The following PGGT1B variants were observed in gnomAD, a reference collection of about 807,000 sequenced individuals.
The protein encoded by PGGT1B is protein geranylgeranyltransferase type I subunit beta, also known as geranylgeranyl transferase type-1 subunit beta.
PGGT1B carries 30 observed loss-of-function variants against 46.1 expected under a neutral mutation model. The observed-to-expected ratio is 0.65, with a 90% CI of 0.49 to 0.88. The LOEUF (loss-of-function observed/expected upper bound fraction) is 0.88. PGGT1B is among the 40% of genes least tolerant of loss of function. The pLI is 0.00. For missense variants in PGGT1B, 376 were observed against 455.9 expected (o/e 0.82, Z 1.60); for synonymous variants, 170 against 160.0 (o/e 1.06, Z -0.47).
At chr5:115,224,473 C>A (rs1467519458) in intron 6 of PGGT1B, among the ~76,000 whole-genome samples, 1 of 152,188 alleles carries the variant, frequency 6.6e-6, no homozygotes, top group Non-Finnish European at 1.5e-5. Flanking sequence ...TTTACAAAGT[C>A]TATGCTTTAA....
At chr5:115,262,024 TTCCTCC>T in intron 1 of PGGT1B, among the ~76,000 whole-genome samples, 1 of 152,192 alleles carries the variant, frequency 6.6e-6, no homozygotes, top group East Asian at 1.9e-4. Context: ...AAGCCGCTCT[TTCCTCC>T]CATCCAGTCT....
intron 8 of PGGT1B, among the ~76,000 whole-genome samples, chr5:115,213,315 G>T (rs915443884): frequency 6.6e-6 from 1 of 152,122 alleles, no homozygotes; most frequent in African/African-American, 2.4e-5. Flanking sequence ...TATTAAAGTG[G>T]CCAATGAAAT....
At chr5:115,214,671 T>C (rs1471212791) in intron 8 of PGGT1B, among the ~76,000 whole-genome samples, 2 of 152,166 alleles carry the variant, frequency 1.3e-5, no homozygotes, top group African/African-American at 4.8e-5. Context: ...TTTACACAAA[T>C]GTTAAAGTTA....
intron 2 of PGGT1B, among the ~76,000 whole-genome samples, chr5:115,243,683 T>C (rs184793399): frequency 6.6e-6 from 1 of 152,304 alleles, no homozygotes; most frequent in African/African-American, 2.4e-5. Context: ...CAGGCTAAAG[T>C]TAAGGTGTAG....
Position 115,210,139 on chromosome 5 carries a change from T to A in PGGT1B, c.*2263A>T, listed in dbSNP as rs1580737400. ...GGTTAAATTAGGCCATATGATCTGA[T>A]TAATCTCATTTGTACACAGATGCTC... On this transcript the variant is annotated 3_prime_UTR_variant, in exon 9 of 9. Transcript: ENST00000419445. 1.3e-5 allele frequency: 2 copies of A among 152,088 alleles called. No homozygotes were observed. The highest frequency in any genetic ancestry group is 2.9e-5 in the Non-Finnish European group (2 of 67,996). The allele number at this position is 152,088 out of a possible 1,614,324, so 9.4% of individuals were successfully genotyped here.
At chr5:115,220,408 T>A (rs928546635) in intron 7 of PGGT1B, among the ~76,000 whole-genome samples, 5 of 151,812 alleles carry the variant, frequency 3.3e-5, no homozygotes, top group African/African-American at 1.2e-4. Context: ...GACAAATTCA[T>A]AGTGACAGAG....
intron 5 of PGGT1B, among the ~76,000 whole-genome samples, chr5:115,235,726 A>G (rs904944415): frequency 6.6e-6 from 1 of 152,082 alleles, no homozygotes; most frequent in Non-Finnish European, 1.5e-5. Context: ...CTGTTGTGGA[A>G]TCTACAAAAA....
rs751969976 is a variant in PGGT1B at position 115,221,980 on chromosome 5, T to G, written c.687A>C (p.Ser229=). The G allele has an allele frequency of 6.3e-7, 1 of 1,587,328 alleles. No homozygotes were observed. Among genetic ancestry groups the G allele is most frequent in the East Asian group, 2.3e-5 (1 of 43,528 alleles). Residue 229 remains serine, a synonymous_variant, in exon 7 of 9, where the codon TCA becomes TCC. Transcript: ENST00000419445. ...CTTCTAGTTTACCCATCAGACATAG[T>G]GAGGCAATGCCACAAAAAGTTGATC... is the stretch of plus-strand genomic sequence containing the variant. The part of the protein sequence containing the change: ...HGGSTFCGIA[S]LCLMGKLEEV...
chr5:115,220,267 G>A (rs1756547123), intron 7 of PGGT1B, among the ~76,000 whole-genome samples: 1 of 151,806 alleles, frequency 6.6e-6, no homozygotes, highest in African/African-American at 2.4e-5. Context: ...TTATTATTCA[G>A]CCATTAAAAA....
chr5:115,228,036 CA>C (rs1164492966), intron 6 of PGGT1B, among the ~76,000 whole-genome samples: 1 of 152,000 alleles, frequency 6.6e-6, no homozygotes, highest in African/African-American at 2.4e-5. Flanking sequence ...TCCCCCAGGC[CA>C]AAAAAATTTT....
chr5:115,216,438 C>A (rs1756421550), intron 8 of PGGT1B, among the ~76,000 whole-genome samples: 1 of 152,158 alleles, frequency 6.6e-6, no homozygotes, highest in Non-Finnish European at 1.5e-5. Context: ...CTGTGCCCGG[C>A]CTATTTAATG....
chr5:115,249,738 G>C (rs1349900425), intron 2 of PGGT1B, among the ~76,000 whole-genome samples: 1 of 152,110 alleles, frequency 6.6e-6, no homozygotes, highest in Non-Finnish European at 1.5e-5. Context: ...CTGACATATT[G>C]ATTCTTTGAA....
intron 8 of PGGT1B, 150 bp downstream of exon 8, chr5:115,216,715 C>G: frequency 1.6e-6 from 1 of 631,576 alleles, no homozygotes; most frequent in Non-Finnish European, 2.8e-6. Flanking sequence ...TAAATTTATC[C>G]TAAGCTTACA....
At chr5:115,213,531 G>A (rs1016487957) in intron 8 of PGGT1B, among the ~76,000 whole-genome samples, 27 of 152,174 alleles carry the variant, frequency 1.8e-4, no homozygotes, top group African/African-American at 6.5e-4. Context: ...AGCACTTTGG[G>A]AGGCCGAGAA....
rs931505762 is a variant in PGGT1B at position 115,207,108 on chromosome 5, T to C, written c.*5294A>G. The C allele has an allele frequency of 2.0e-5, 3 of 148,824 alleles. No homozygotes were observed. The highest frequency in any genetic ancestry group is 7.4e-5 in the African/African-American group (3 of 40,672). 9.2% of individuals were successfully genotyped at this position (148,824 alleles called of 1,614,324 possible). A position where few individuals can be genotyped will look rare whatever the true frequency, so the allele number is the denominator to read the frequency against. The stretch of plus-strand genomic sequence containing the variant: ...TTAAATTTACACATTAAGTTTTCTT[T>C]TTACTTTTGCTATCACAAAGGTGGT... On this transcript the variant is annotated 3_prime_UTR_variant, in exon 9 of 9. Transcript: ENST00000419445.
intron 5 of PGGT1B, among the ~76,000 whole-genome samples, chr5:115,234,925 G>A (rs1301714679): frequency 2.0e-5 from 3 of 151,950 alleles, no homozygotes; most frequent in Non-Finnish European, 4.4e-5. Context: ...ATCTCTGCCC[G>A]AGAAAAGGCC....
rs1031198389 is a variant in PGGT1B, at chr5:115,211,345, AT to A, written c.*1056del. ...TATTTCTTACCCTCTAAATGGTCGC[AT>A]TTCCCTTTCACTTACCTGAAAATAT... On this transcript the variant is annotated 3_prime_UTR_variant, in exon 9 of 9. Coordinates refer to ENST00000419445, the MANE Select transcript of PGGT1B (RefSeq NM_005023.4). The A allele has an allele frequency of 2.6e-5, 4 of 152,166 alleles. No individual in the cohort carries two copies. Among genetic ancestry groups the A allele is most frequent in the Admixed American group, 1.3e-4 (2 of 15,278 alleles). 9.4% of individuals were successfully genotyped at this position (152,166 alleles called of 1,614,324 possible). A position where few individuals can be genotyped will look rare whatever the true frequency, so the allele number is the denominator to read the frequency against.
chr5:115,213,294 C>T (rs1171765725), intron 8 of PGGT1B, among the ~76,000 whole-genome samples: 1 of 152,168 alleles, frequency 6.6e-6, no homozygotes, highest in Admixed American at 6.5e-5. Flanking sequence ...CAGGGGGCAG[C>T]GATCCTCTTC....
Position 115,241,527 on chromosome 5 carries a change from A to T in PGGT1B, c.327+12T>A, listed in dbSNP as rs1757344014. 6.3e-7 allele frequency: 1 copy of T among 1,581,856 alleles called. No homozygotes were observed. The highest frequency in any genetic ancestry group is 1.1e-5 in the South Asian group (1 of 87,542). Reference sequence around the variant, plus strand: ...ATCCCTTCTACTTCCTTCTGAACCAAATAGAACCAACCTTTGATGGATTGA... The same window carrying T: ...ATCCCTTCTACTTCCTTCTGAACCATATAGAACCAACCTTTGATGGATTGA... On this transcript the variant is annotated intron_variant, in intron 3 of 8. Coordinates refer to ENST00000419445, the MANE Select transcript of PGGT1B (RefSeq NM_005023.4).
Sources: allele counts gnomAD v4.1 joint callset (sites outside exome capture counted in the v4.1 genomes callset), GRCh38; gene constraint gnomAD v4.1.1; transcripts MANE v1.5; gene names NCBI Gene and HGNC (gene_info 2026-07-23, HGNC 2026-07-21).